THOC1: variants seen among roughly 807,000 people sequenced by gnomAD.
THOC1 encodes the protein THO complex subunit 1.
Under a neutral mutation model 97.3 loss-of-function variants are expected in THOC1, and 29 were observed. The observed-to-expected ratio is 0.30, with a 90% CI of 0.22 to 0.41. The LOEUF is 0.41. Ranked by LOEUF, THOC1 falls within the 10% of genes least tolerant of loss-of-function variation. The probability of loss-of-function intolerance (pLI) is 1.00; values close to 1 mark genes in which losing one functional copy is unlikely to be tolerated. For synonymous variants in THOC1, 255 were observed against 257.0 expected (o/e 0.99, Z 0.07); for missense variants, 529 against 761.9 (o/e 0.69, Z 3.60).
chr18:259,405 G>A (rs951686690), intron 6 of THOC1, 130 bp from the exon 7 acceptor site: 17 of 755,176 alleles, frequency 2.3e-5, no homozygotes, highest in Admixed American at 7.1e-5. Flanking sequence ...ATTGGGGGCC[G>A]AAACCACTGC....
chr18:252,909 G>A (rs897793805), intron 8 of THOC1, among the ~76,000 whole-genome samples: 1 of 152,174 alleles, frequency 6.6e-6, no homozygotes, highest in African/African-American at 2.4e-5. Context: ...AGGGCTAAAT[G>A]TTTTGGAAAT....
intron 11 of THOC1, among the ~76,000 whole-genome samples, chr18:241,778 T>C (rs1273151071): frequency 1.3e-5 from 2 of 152,218 alleles, no homozygotes; most frequent in South Asian, 2.1e-4. Context: ...TGCTACATAG[T>C]ACAGAGGGAG....
chr18:249,227 C>T (rs1289321707), intron 9 of THOC1, among the ~76,000 whole-genome samples: 5 of 152,126 alleles, frequency 3.3e-5, no homozygotes, highest in African/African-American at 7.2e-5. Context: ...TGTTTACTTT[C>T]GCTCTTCCTA....
chr18:214,870 A>G lies in THOC1; in HGVS notation c.1730T>C (p.Phe577Ser). Reference protein sequence around the residue: ...KPVTGEQIEVFANKLGEQWKI... With the variant: ...KPVTGEQIEVSANKLGEQWKI... Reference sequence around the variant, plus strand: ...CCATTGTTCACCCAGCTTGTTGGCAAATACCTCTATTTGTTCTCCTGTTAC... The same window carrying G: ...CCATTGTTCACCCAGCTTGTTGGCAGATACCTCTATTTGTTCTCCTGTTAC... The change falls in exon 21 of 21, where the codon TTT (phenylalanine) becomes TCT (serine). Residue 577 changes from phenylalanine (F) to serine (S), a missense_variant. Coordinates refer to ENST00000261600, the MANE Select transcript of THOC1 (RefSeq NM_005131.3). 2 of 1,613,954 alleles carry G rather than the reference A, an allele frequency of 1.2e-6. No individual in the cohort carries two copies. Among genetic ancestry groups the G allele is most frequent in the Non-Finnish European group, 1.7e-6 (2 of 1,179,878 alleles).
intron 11 of THOC1, among the ~76,000 whole-genome samples, chr18:239,014 T>C (rs914169379): frequency 1.1e-4 from 17 of 152,234 alleles, no homozygotes; most frequent in African/African-American, 4.1e-4. Flanking sequence ...AACTTTCTAA[T>C]TAACATTGGT....
intron 12 of THOC1, chr18:225,840 T>C (rs1256945194): frequency 6.4e-6 from 1 of 157,416 alleles, no homozygotes; most frequent in Non-Finnish European, 1.4e-5. Flanking sequence ...AAATTGTTAA[T>C]AGCTGCCACT....
chr18:238,912 TTTTC>T (rs1911802371), intron 11 of THOC1, among the ~76,000 whole-genome samples: 1 of 152,152 alleles, frequency 6.6e-6, no homozygotes, highest in African/African-American at 2.4e-5. Context: ...ACTTTATGAC[TTTTC>T]TTTGATTAAA....
At chr18:235,348 A>G (rs1005525698) in intron 11 of THOC1, among the ~76,000 whole-genome samples, 1 of 151,858 alleles carries the variant, frequency 6.6e-6, no homozygotes, top group African/African-American at 2.4e-5. Flanking sequence ...GTTTTATTTC[A>G]CTAAGTTGTG....
At chr18:225,016 C>T (rs1199003709) in intron 14 of THOC1, 22 bp from the exon 15 acceptor site, 2 of 1,566,280 alleles carry the variant, frequency 1.3e-6, no homozygotes, top group African/African-American at 1.3e-5. Context: ...AAAGCGATTA[C>T]ATTTTGGTTA....
chr18:231,835 A>T (rs1022599077), intron 11 of THOC1, among the ~76,000 whole-genome samples: 6 of 152,214 alleles, frequency 3.9e-5, no homozygotes, highest in African/African-American at 1.4e-4. Flanking sequence ...TGTACTTTGC[A>T]CTGTTTCAAA....
intron 11 of THOC1, among the ~76,000 whole-genome samples, chr18:236,514 G>A (rs1044964604): frequency 2.9e-5 from 4 of 139,772 alleles, no homozygotes; most frequent in Admixed American, 7.6e-5. Context: ...CCGCTACCAC[G>A]CCCGGCTAAT....
At chr18:222,433 G>T (rs1911124305) in intron 17 of THOC1, among the ~76,000 whole-genome samples, 1 of 152,102 alleles carries the variant, frequency 6.6e-6, no homozygotes, top group Non-Finnish European at 1.5e-5. Flanking sequence ...TGTTTAACTT[G>T]TTACAGAATT....
intron 9 of THOC1, among the ~76,000 whole-genome samples, chr18:248,813 C>T (rs955560674): frequency 4.6e-5 from 7 of 151,978 alleles, no homozygotes; most frequent in South Asian, 2.1e-4. Flanking sequence ...GGCAGTGGTG[C>T]GATCTCAGCT....
chr18:224,956 TTTCCACGAG>T lies in THOC1; in HGVS notation c.1167_1175del (p.Asn389_Trp391del). 1 of 1,575,166 alleles carries T rather than the reference TTTCCACGAG, an allele frequency of 6.3e-7. No individual in the cohort carries two copies. Among genetic ancestry groups the T allele is most frequent in the Non-Finnish European group, 8.6e-7 (1 of 1,158,090 alleles). On this transcript the variant is annotated inframe_deletion, in exon 15 of 21. Transcript: ENST00000261600. ...TCACAAAACTTGGGCAACCTTCATT[TTTCCACGAG>T]TTCCAGTTTTCTTCAGTGTTTAATA...
intron 7 of THOC1, among the ~76,000 whole-genome samples, chr18:256,695 C>CA (rs1912447656): frequency 6.6e-6 from 1 of 152,030 alleles, no homozygotes; most frequent in African/African-American, 2.4e-5. Flanking sequence ...TTTTCTGAGA[C>CA]AGAGTTTAGA....
intron 19 of THOC1, 131 bp downstream of exon 19, chr18:216,355 A>G: frequency 1.0e-6 from 1 of 987,024 alleles, no homozygotes; most frequent in Non-Finnish European, 1.5e-6. Context: ...TTTTTCCCTC[A>G]TTCTAAAACA....
At chr18:251,941 G>T (rs1271782517) in intron 9 of THOC1, among the ~76,000 whole-genome samples, 2 of 152,166 alleles carry the variant, frequency 1.3e-5, no homozygotes, top group African/African-American at 4.8e-5. Context: ...GAAGCATTTT[G>T]ATCTTTATCT....
At chr18:229,876 T>C (rs555194288) in intron 11 of THOC1, among the ~76,000 whole-genome samples, 2 of 152,268 alleles carry the variant, frequency 1.3e-5, no homozygotes, top group African/African-American at 2.4e-5. Context: ...CCCTTAAACA[T>C]GGGTTTTCTT....
intron 4 of THOC1, among the ~76,000 whole-genome samples, chr18:262,196 T>G (rs536116557): frequency 1.3e-5 from 2 of 152,256 alleles, no homozygotes; most frequent in Non-Finnish European, 2.9e-5. Flanking sequence ...ACTTCATCTA[T>G]GCTTTTGAAG....
Sources: allele counts gnomAD v4.1 joint callset (sites outside exome capture counted in the v4.1 genomes callset), GRCh38; gene constraint gnomAD v4.1.1; transcripts MANE v1.5; gene names NCBI Gene and HGNC (gene_info 2026-07-23, HGNC 2026-07-21).